The following SLC25A12 variants were observed in gnomAD, a reference collection of about 807,000 sequenced individuals.
The protein encoded by SLC25A12 is solute carrier family 25 member 12.
A neutral mutation model predicts 83.3 loss-of-function variants in SLC25A12; 32 were observed. That is an observed-to-expected ratio of 0.38 (90% CI 0.29 to 0.52). The LOEUF (loss-of-function observed/expected upper bound fraction) is 0.52. SLC25A12 is among the 20% of genes least tolerant of loss of function. SLC25A12 has a pLI of 0.84. For synonymous variants in SLC25A12, 267 were observed against 291.1 expected (o/e 0.92, Z 0.84); for missense variants, 611 against 835.6 (o/e 0.73, Z 3.31).
chr2:171,866,196 G>A (rs1285259455), intron 3 of SLC25A12, among the ~76,000 whole-genome samples: 1 of 142,332 alleles, frequency 7.0e-6, no homozygotes, highest in African/African-American at 2.6e-5. Flanking sequence ...ATTTTTCTTA[G>A]TACAGAACAA....
intron 9 of SLC25A12, among the ~76,000 whole-genome samples, chr2:171,818,030 C>CA (rs1684090791): frequency 6.6e-6 from 1 of 152,140 alleles, no homozygotes; most frequent in Non-Finnish European, 1.5e-5. Context: ...TAAAAGAAAA[C>CA]ATACAATATA....
At chr2:171,847,823 AG>A (rs1684832110) in intron 4 of SLC25A12, among the ~76,000 whole-genome samples, 1 of 152,206 alleles carries the variant, frequency 6.6e-6, no homozygotes, top group Admixed American at 6.5e-5. Flanking sequence ...TCCATTGAAA[AG>A]GGAACTGGGG....
At chr2:171,852,379 T>C (rs567052704) in intron 4 of SLC25A12, among the ~76,000 whole-genome samples, 2 of 152,308 alleles carry the variant, frequency 1.3e-5, no homozygotes, top group African/African-American at 2.4e-5. Flanking sequence ...AATGAGAATA[T>C]ATACAAGTAC....
At chr2:171,859,288 A>G (rs147518867) in intron 3 of SLC25A12, among the ~76,000 whole-genome samples, 1 of 152,316 alleles carries the variant, frequency 6.6e-6, no homozygotes, top group East Asian at 1.9e-4. Flanking sequence ...ATGAAAATAC[A>G]CAAAAGCACC....
intron 2 of SLC25A12, among the ~76,000 whole-genome samples, chr2:171,875,718 C>T (rs1345113620): frequency 6.6e-6 from 1 of 151,738 alleles, no homozygotes; most frequent in Non-Finnish European, 1.5e-5. Context: ...TCGAGACCAT[C>T]CTGGCTAACA....
At chr2:171,810,926 T>C (rs1276146791) in intron 11 of SLC25A12, among the ~76,000 whole-genome samples, 3 of 152,190 alleles carry the variant, frequency 2.0e-5, no homozygotes, top group African/African-American at 7.2e-5. Context: ...ATGTCAAGCT[T>C]AAGACATTTT....
chr2:171,806,829 A>G (rs1470593392), intron 13 of SLC25A12, among the ~76,000 whole-genome samples: 2 of 152,202 alleles, frequency 1.3e-5, no homozygotes, highest in South Asian at 4.1e-4. Context: ...CACTCAGCCA[A>G]AAGCCATAAG....
chr2:171,876,807 A>G (rs550169417), intron 2 of SLC25A12, among the ~76,000 whole-genome samples: 6 of 152,322 alleles, frequency 3.9e-5, no homozygotes, highest in African/African-American at 1.4e-4. Context: ...AAGTATGTCT[A>G]TACTCCAAGT....
intron 3 of SLC25A12, among the ~76,000 whole-genome samples, chr2:171,867,922 G>A (rs1201857410): frequency 6.6e-6 from 1 of 151,944 alleles, no homozygotes; most frequent in Non-Finnish European, 1.5e-5. Flanking sequence ...TCGGCGCACT[G>A]CAAGCTCTGC....
At chr2:171,884,036 CTTTT>C (rs923261236) in intron 2 of SLC25A12, among the ~76,000 whole-genome samples, 2 of 145,990 alleles carry the variant, frequency 1.4e-5, no homozygotes, top group Non-Finnish European at 3.0e-5. Flanking sequence ...AATTTCTTTT[CTTTT>C]TTATCTTTTT....
intron 9 of SLC25A12, among the ~76,000 whole-genome samples, chr2:171,819,534 G>C (rs1280199559): frequency 6.2e-5 from 9 of 145,080 alleles, no homozygotes; most frequent in Non-Finnish European, 1.2e-4. Context: ...CAGCAAAAAG[G>C]GAGTTAAGTT....
intron 1 of SLC25A12, 40 bp downstream of exon 1, chr2:171,894,163 C>CT: frequency 6.2e-7 from 1 of 1,600,774 alleles, no homozygotes; most frequent in Non-Finnish European, 8.5e-7. Flanking sequence ...CTCGGAATGT[C>CT]TCTTATGCAA....
rs1165666279 is a variant in SLC25A12, at chr2:171,866,807, C to T, written c.209+1874G>A. On this transcript the variant is annotated intron_variant, in intron 3 of 17. Coordinates refer to ENST00000422440, the MANE Select transcript of SLC25A12 (RefSeq NM_003705.5). ...CTCCCGGACGGGGCGGCTGGCCTGG[C>T]GGGGGCTGACCCCCACCTCCCTCCC... Among the ~76,000 whole-genome samples the T allele has an allele frequency of 6.8e-5, 9 of 132,598 alleles. No individual in the cohort carries two copies. In the South Asian group the frequency reaches 1.3e-3, roughly 19 times the overall value. The allele number at this position is 132,598 out of a possible 152,430, so 87.0% of individuals were successfully genotyped here.
intron 13 of SLC25A12, among the ~76,000 whole-genome samples, chr2:171,799,172 C>T (rs577951865): frequency 6.6e-6 from 1 of 152,232 alleles, no homozygotes; most frequent in East Asian, 1.9e-4. Context: ...CTTCCAGCCT[C>T]CAGAATTGTG....
At chr2:171,836,367 G>A (rs905780310) in intron 6 of SLC25A12, among the ~76,000 whole-genome samples, 4 of 152,212 alleles carry the variant, frequency 2.6e-5, no homozygotes, top group African/African-American at 9.6e-5. Flanking sequence ...ACAACGCATA[G>A]ACAAGAAAAC....
intron 2 of SLC25A12, among the ~76,000 whole-genome samples, chr2:171,871,059 G>A (rs957580862): frequency 6.6e-6 from 1 of 152,078 alleles, no homozygotes; most frequent in East Asian, 1.9e-4. Context: ...AAAAGTAGCT[G>A]GGCATGGTGG....
chr2:171,826,382 T>C (rs1574701848), intron 9 of SLC25A12, among the ~76,000 whole-genome samples: 1 of 152,094 alleles, frequency 6.6e-6, no homozygotes, highest in Non-Finnish European at 1.5e-5. Context: ...CCGAGGCAGG[T>C]GGATCACCTG....
chr2:171,795,101 C>A (rs1279724373), intron 13 of SLC25A12, among the ~76,000 whole-genome samples: 1 of 152,220 alleles, frequency 6.6e-6, no homozygotes, highest in Non-Finnish European at 1.5e-5. Context: ...ATTGCCAGCA[C>A]TGATACTAAA....
intron 2 of SLC25A12, among the ~76,000 whole-genome samples, chr2:171,880,977 T>G (rs1056682056): frequency 1.3e-5 from 2 of 152,254 alleles, no homozygotes; most frequent in Admixed American, 1.3e-4. Context: ...TTTCCTCATC[T>G]GTAAAATGGG....
Sources: allele counts gnomAD v4.1 joint callset (sites outside exome capture counted in the v4.1 genomes callset), GRCh38; gene constraint gnomAD v4.1.1; transcripts MANE v1.5; gene names NCBI Gene and HGNC (gene_info 2026-07-23, HGNC 2026-07-21).